The following PHLPP1 variants were observed in gnomAD, a reference collection of about 807,000 sequenced individuals.
PHLPP1 encodes the protein PH domain and leucine rich repeat protein phosphatase 1, also known as PH domain leucine-rich repeat-containing protein phosphatase 1.
Under a neutral mutation model 117.2 loss-of-function variants are expected in PHLPP1, and 42 were observed. The observed-to-expected ratio is 0.36, with a 90% confidence interval of 0.28 to 0.46. The LOEUF (loss-of-function observed/expected upper bound fraction) is 0.46. Ranked by LOEUF, PHLPP1 falls within the 20% of genes least tolerant of loss-of-function variation. The probability of loss-of-function intolerance (pLI) is 1.00; values close to 1 mark genes in which losing one functional copy is unlikely to be tolerated. For missense variants in PHLPP1, 2,084 were observed against 2,241.9 expected (o/e 0.93, Z 1.42); for synonymous variants, 1,042 against 970.7 (o/e 1.07, Z -1.37).
At chr18:62,739,121 G>A (rs905209344) in intron 1 of PHLPP1, among the ~76,000 whole-genome samples, 12 of 152,180 alleles carry the variant, frequency 7.9e-5, no homozygotes, top group African/African-American at 2.7e-4. Context: ...TATTTAGGTA[G>A]TACTTTTGAA....
chr18:62,773,353 T>C (rs1373430686), intron 1 of PHLPP1, among the ~76,000 whole-genome samples: 1 of 152,192 alleles, frequency 6.6e-6, no homozygotes, highest in Non-Finnish European at 1.5e-5. Context: ...AAACCTGTAA[T>C]GTTGTTTGAA....
Position 62,979,003 on chromosome 18 carries a change from GAGA to G in PHLPP1, c.4729_4731del (p.Lys1577del), listed in dbSNP as rs1568181077. On this transcript the variant is annotated inframe_deletion, in exon 17 of 17. Coordinates refer to ENST00000262719, the MANE Select transcript of PHLPP1 (RefSeq NM_194449.4). ...GGACATCCACTGCAGCCGGGCCAAG[GAGA>G]AGGAGAAACAGCAGCACCTGCTTCA... The G allele has an allele frequency of 5.0e-6, 8 of 1,613,032 alleles. No homozygotes were observed. The Admixed American group carries it at 6.7e-5, about 13-fold the overall frequency.
intron 1 of PHLPP1, among the ~76,000 whole-genome samples, chr18:62,794,858 G>T (rs1599051109): frequency 6.6e-6 from 1 of 152,162 alleles, no homozygotes; most frequent in East Asian, 1.9e-4. Context: ...CAGTGCTGGG[G>T]AAGATTTGTT....
At chr18:62,849,111 C>T (rs1235548320) in intron 3 of PHLPP1, among the ~76,000 whole-genome samples, 1 of 152,184 alleles carries the variant, frequency 6.6e-6, no homozygotes, top group Non-Finnish European at 1.5e-5. Context: ...CATAGTCACT[C>T]TACATTGCTC....
chr18:62,970,222 A>G (rs1444217280), intron 14 of PHLPP1, among the ~76,000 whole-genome samples: 1 of 152,122 alleles, frequency 6.6e-6, no homozygotes, highest in Non-Finnish European at 1.5e-5. Flanking sequence ...AACCTTGCAA[A>G]TATGTACTTC....
chr18:62,742,104 A>T (rs2122074984), intron 1 of PHLPP1, among the ~76,000 whole-genome samples: 1 of 152,298 alleles, frequency 6.6e-6, no homozygotes, highest in African/African-American at 2.4e-5. Flanking sequence ...CATTCCATTG[A>T]GTTATCAAAT....
chr18:62,942,420 A>G (rs1568169057), intron 11 of PHLPP1, among the ~76,000 whole-genome samples: 1 of 152,186 alleles, frequency 6.6e-6, no homozygotes, highest in African/African-American at 2.4e-5. Flanking sequence ...TGGGAATTAG[A>G]ATGTAAACCA....
chr18:62,960,832 T>C (rs1028386129), intron 13 of PHLPP1, among the ~76,000 whole-genome samples: 3 of 152,234 alleles, frequency 2.0e-5, no homozygotes, highest in African/African-American at 4.8e-5. Flanking sequence ...CTTAAAATGT[T>C]ACCTTCTGTT....
intron 2 of PHLPP1, 115 bp from the exon 3 acceptor site, chr18:62,838,669 A>G (rs1375106153): frequency 1.0e-5 from 10 of 1,004,942 alleles, no homozygotes; most frequent in Non-Finnish European, 1.5e-5. Flanking sequence ...TGAGTAACAT[A>G]TATAGGGAAA....
chr18:62,892,236 A>C (rs1465222272), intron 4 of PHLPP1, among the ~76,000 whole-genome samples: 1 of 151,372 alleles, frequency 6.6e-6, no homozygotes, highest in Non-Finnish European at 1.5e-5. Flanking sequence ...CTACAGGTGC[A>C]CACCACCACG....
chr18:62,774,940 TA>T (rs915154313), intron 1 of PHLPP1, among the ~76,000 whole-genome samples: 19 of 151,818 alleles, frequency 1.3e-4, no homozygotes, highest in Non-Finnish European at 2.6e-4. Flanking sequence ...GCTAATGTCT[TA>T]AAAAAAATAA....
intron 1 of PHLPP1, among the ~76,000 whole-genome samples, chr18:62,725,948 G>A (rs538175369): frequency 2.0e-4 from 31 of 152,238 alleles, no homozygotes; most frequent in African/African-American, 4.8e-4. Context: ...TCCCAGATGC[G>A]GAAGCAGAGG....
intron 4 of PHLPP1, 134 bp downstream of exon 4, chr18:62,860,735 CTTTG>C (rs1915611946): frequency 2.9e-6 from 2 of 701,090 alleles, no homozygotes; most frequent in Non-Finnish European, 4.6e-6. Flanking sequence ...GGTAATAGGA[CTTTG>C]TTTATTAGTG....
At chr18:62,866,705 T>C (rs1915779245) in intron 4 of PHLPP1, among the ~76,000 whole-genome samples, 2 of 152,318 alleles carry the variant, frequency 1.3e-5, no homozygotes, top group South Asian at 2.1e-4. Flanking sequence ...GTGGAATAAA[T>C]ATCCAGGTGG....
chr18:62,895,667 C>T (rs780730946), intron 5 of PHLPP1, 114 bp from the exon 6 acceptor site: 109 of 696,132 alleles, frequency 1.6e-4, no homozygotes, highest in Non-Finnish European at 2.4e-4. Flanking sequence ...AGGCATTTTG[C>T]GAAGAATAAT....
chr18:62,871,068 T>TACTA (rs1915889539), intron 4 of PHLPP1, among the ~76,000 whole-genome samples: 1 of 152,352 alleles, frequency 6.6e-6, no homozygotes, highest in African/African-American at 2.4e-5. Flanking sequence ...ATGACTCAGA[T>TACTA]AGTCTTAATA....
chr18:62,885,381 G>T (rs1916259571), intron 4 of PHLPP1, among the ~76,000 whole-genome samples: 2 of 152,094 alleles, frequency 1.3e-5, no homozygotes, highest in Non-Finnish European at 2.9e-5. Context: ...CTTTATATTG[G>T]CCGGGCGTGG....
intron 2 of PHLPP1, among the ~76,000 whole-genome samples, chr18:62,830,529 G>GAAA (rs979066210): frequency 6.6e-6 from 1 of 152,068 alleles, no homozygotes. Flanking sequence ...ATGCCAGGCC[G>GAAA]AAAAGTAAGT....
intron 8 of PHLPP1, among the ~76,000 whole-genome samples, chr18:62,905,538 C>T (rs185630776): frequency 5.6e-4 from 86 of 152,250 alleles, no homozygotes; most frequent in South Asian, 2.1e-4. Context: ...AGTTGAGGGC[C>T]ATATGGCTTA....
Sources: allele counts gnomAD v4.1 joint callset (sites outside exome capture counted in the v4.1 genomes callset), GRCh38; gene constraint gnomAD v4.1.1; transcripts MANE v1.5; gene names NCBI Gene and HGNC (gene_info 2026-07-23, HGNC 2026-07-21).